Variants in GRM8 observed in about 807,000 individuals in gnomAD.
The protein encoded by GRM8 is metabotropic glutamate receptor 8.
GRM8 carries 47 observed loss-of-function variants against 87.2 expected under a neutral mutation model. That is an observed-to-expected ratio of 0.54 (90% CI 0.43 to 0.69). GRM8 has a LOEUF of 0.69. GRM8 is among the 30% of genes least tolerant of loss of function. The pLI, the probability that GRM8 is intolerant of heterozygous loss-of-function variation, is 0.00. For missense variants in GRM8, 1,019 were observed against 1,139.2 expected (o/e 0.89, Z 1.52); for synonymous variants, 396 against 404.5 (o/e 0.98, Z 0.25).
intron 6 of GRM8, among the ~76,000 whole-genome samples, chr7:126,784,149 T>G (rs931930109): frequency 6.6e-6 from 1 of 152,130 alleles, no homozygotes; most frequent in African/African-American, 2.4e-5. Context: ...AAAACTGAAG[T>G]GGAATTTTGG....
At chr7:127,204,436 T>C (rs1208863135) in intron 2 of GRM8, among the ~76,000 whole-genome samples, 1 of 152,170 alleles carries the variant, frequency 6.6e-6, no homozygotes, top group Non-Finnish European at 1.5e-5. Flanking sequence ...ATTAGAAACT[T>C]CCTAACCCTC....
chr7:126,611,759 C>T (rs1263992636), intron 7 of GRM8, among the ~76,000 whole-genome samples: 1 of 152,148 alleles, frequency 6.6e-6, no homozygotes, highest in Non-Finnish European at 1.5e-5. Context: ...ATTTGTATAA[C>T]ACATTACCAT....
chr7:127,209,096 CTT>C (rs1292996655), intron 2 of GRM8, among the ~76,000 whole-genome samples: 1 of 152,182 alleles, frequency 6.6e-6, no homozygotes, highest in Non-Finnish European at 1.5e-5. Flanking sequence ...AGCTGAGGGA[CTT>C]ACTGTGTTTG....
chr7:126,502,809 C>T (rs187035540), intron 9 of GRM8, among the ~76,000 whole-genome samples: 21 of 152,052 alleles, frequency 1.4e-4, no homozygotes, highest in Admixed American at 1.2e-3. Context: ...AATATGGACT[C>T]AGAGTTAAAA....
At chr7:127,048,645 G>A (rs1404430887) in intron 3 of GRM8, among the ~76,000 whole-genome samples, 1 of 152,170 alleles carries the variant, frequency 6.6e-6, no homozygotes, top group Non-Finnish European at 1.5e-5. Flanking sequence ...TAAATAACTT[G>A]CCAAGTCACA....
At chr7:126,888,474 C>T (rs1459482944) in intron 6 of GRM8, among the ~76,000 whole-genome samples, 4 of 152,134 alleles carry the variant, frequency 2.6e-5, no homozygotes, top group South Asian at 4.1e-4. Flanking sequence ...AGCAAAATAT[C>T]GAACAGGATG....
rs146749844 is a variant in GRM8, at chr7:126,449,958, T to C, written c.2431-3586A>G. On this transcript the variant is annotated intron_variant, in intron 9 of 10. Transcript: ENST00000339582. The stretch of plus-strand genomic sequence containing the variant: ...ACTCTGCCTCCATGCCCCATGGACA[T>C]TTTGAACCTGAAGCAGTCAGATGCC... Among the ~76,000 whole-genome samples the C allele has an allele frequency of 2.8e-4, 42 of 151,932 alleles. No homozygotes were observed. In the East Asian group the frequency reaches 5.3e-3, roughly 19 times the overall value.
chr7:126,987,358 TCTGTTTTCTC>T (rs1327329575), intron 3 of GRM8, among the ~76,000 whole-genome samples: 1 of 152,086 alleles, frequency 6.6e-6, no homozygotes, highest in Admixed American at 6.5e-5. Context: ...TCCACCAAAC[TCTGTTTTCTC>T]CTATAGCAAC....
chr7:126,958,835 G>A (rs958968654), intron 3 of GRM8, among the ~76,000 whole-genome samples: 2 of 152,110 alleles, frequency 1.3e-5, no homozygotes, highest in Non-Finnish European at 2.9e-5. Flanking sequence ...CTTCTTCCCC[G>A]CTCTCAATCT....
chr7:127,048,118 T>C (rs1401805411), intron 3 of GRM8, among the ~76,000 whole-genome samples: 2 of 152,146 alleles, frequency 1.3e-5, no homozygotes, highest in East Asian at 3.8e-4. Context: ...GAGCAAATAG[T>C]AAGTGATGAA....
At chr7:126,753,311 C>T (rs1816635409) in intron 7 of GRM8, among the ~76,000 whole-genome samples, 1 of 151,674 alleles carries the variant, frequency 6.6e-6, no homozygotes, top group Non-Finnish European at 1.5e-5. Flanking sequence ...TGTCAAATGG[C>T]ATAATAACAC....
intron 9 of GRM8, among the ~76,000 whole-genome samples, chr7:126,530,390 C>T (rs1457396442): frequency 1.3e-5 from 2 of 152,212 alleles, no homozygotes; most frequent in Admixed American, 6.5e-5. Flanking sequence ...GACCCCTCAC[C>T]ATCTTCCCCC....
chr7:126,481,969 A>C (rs1382724223), intron 9 of GRM8, among the ~76,000 whole-genome samples: 1 of 152,214 alleles, frequency 6.6e-6, no homozygotes, highest in East Asian at 1.9e-4. Context: ...ACAAATAATC[A>C]AACAACTATA....
intron 8 of GRM8, among the ~76,000 whole-genome samples, chr7:126,604,193 T>C (rs1798116170): frequency 6.6e-6 from 1 of 152,160 alleles, no homozygotes; most frequent in Admixed American, 6.6e-5. Flanking sequence ...TATAGGTATG[T>C]GGTAAAGACC....
intron 3 of GRM8, among the ~76,000 whole-genome samples, chr7:126,922,857 T>C (rs1217886523): frequency 6.6e-6 from 1 of 152,092 alleles, no homozygotes. Context: ...CCTCCCTTGG[T>C]CCTGCTCCTG....
chr7:127,056,909 A>C (rs555699403), intron 3 of GRM8, among the ~76,000 whole-genome samples: 3 of 152,212 alleles, frequency 2.0e-5, no homozygotes, highest in Non-Finnish European at 4.4e-5. Flanking sequence ...ATAAAGCAAA[A>C]GTGAATTTTA....
intron 7 of GRM8, among the ~76,000 whole-genome samples, chr7:126,692,925 T>G (rs1445400746): frequency 6.6e-6 from 1 of 152,194 alleles, no homozygotes; most frequent in Non-Finnish European, 1.5e-5. Flanking sequence ...TATGGGCAAT[T>G]TCTCTTCACA....
intron 7 of GRM8, among the ~76,000 whole-genome samples, chr7:126,712,290 T>G (rs1811186024): frequency 6.6e-6 from 1 of 152,102 alleles, no homozygotes; most frequent in African/African-American, 2.4e-5. Context: ...CACACAAAAT[T>G]TATTAAGTTT....
chr7:126,771,756 A>G (rs1223071148), intron 6 of GRM8, among the ~76,000 whole-genome samples: 1 of 152,084 alleles, frequency 6.6e-6, no homozygotes, highest in Non-Finnish European at 1.5e-5. Flanking sequence ...CAAACAATAT[A>G]TGTAAAACAA....
Sources: allele counts gnomAD v4.1 joint callset (sites outside exome capture counted in the v4.1 genomes callset), GRCh38; gene constraint gnomAD v4.1.1; transcripts MANE v1.5; gene names NCBI Gene and HGNC (gene_info 2026-07-23, HGNC 2026-07-21).